The following NLK variants were observed in gnomAD, a reference collection of about 807,000 sequenced individuals.
The protein encoded by NLK is serine/threonine-protein kinase NLK.
Under a neutral mutation model 59.0 loss-of-function variants are expected in NLK, and 11 were observed. That is an observed-to-expected ratio of 0.19 (90% CI 0.12 to 0.31). NLK has a LOEUF of 0.31. NLK is among the 10% of genes least tolerant of loss of function. NLK has a pLI of 1.00. For synonymous variants in NLK, 235 were observed against 235.9 expected (o/e 1.00, Z 0.03); for missense variants, 410 against 661.1 (o/e 0.62, Z 4.16).
At chr17:28,205,532 A>G in the NLK span, among the ~76,000 whole-genome samples, 1 of 152,264 alleles carries the variant, frequency 6.6e-6, no homozygotes, top group East Asian at 1.9e-4. Flanking sequence ...AGGAAAAGCC[A>G]GTAAAAAATC....
intron 1 of NLK, among the ~76,000 whole-genome samples, chr17:28,107,366 C>T (rs1306256797): frequency 1.3e-5 from 2 of 151,334 alleles, no homozygotes; most frequent in African/African-American, 2.4e-5. Context: ...ATCTGGGAGG[C>T]GGAGGTTGCA....
At chr17:28,066,039 T>C (rs779991212) in intron 1 of NLK, among the ~76,000 whole-genome samples, 1 of 152,236 alleles carries the variant, frequency 6.6e-6, no homozygotes, top group African/African-American at 2.4e-5. Flanking sequence ...GACGAAGTTA[T>C]GTCAACGTAG....
downstream of NLK, among the ~76,000 whole-genome samples, chr17:28,198,827 C>G (rs1273351510): frequency 6.6e-6 from 1 of 152,214 alleles, no homozygotes; most frequent in Non-Finnish European, 1.5e-5. Flanking sequence ...GACCTCACCT[C>G]TTGCATCTCA....
At chr17:28,159,578 CTG>C (rs898810131) in intron 3 of NLK, among the ~76,000 whole-genome samples, 1 of 152,130 alleles carries the variant, frequency 6.6e-6, no homozygotes, top group African/African-American at 2.4e-5. Flanking sequence ...TCACTGAAAA[CTG>C]TCCTGTAAGT....
chr17:28,099,221 G>A (rs1904813390), intron 1 of NLK, among the ~76,000 whole-genome samples: 1 of 151,946 alleles, frequency 6.6e-6, no homozygotes, highest in South Asian at 2.1e-4. Flanking sequence ...TTAGTGCAGT[G>A]GAGTACTATT....
At chr17:28,203,182 C>T in the NLK span, among the ~76,000 whole-genome samples, 2 of 151,756 alleles carry the variant, frequency 1.3e-5, no homozygotes, top group African/African-American at 4.9e-5. Context: ...CACACACACA[C>T]ACACACACAC....
At chr17:28,087,333 A>G (rs532768010) in intron 1 of NLK, among the ~76,000 whole-genome samples, 1 of 152,306 alleles carries the variant, frequency 6.6e-6, no homozygotes, top group South Asian at 2.1e-4. Flanking sequence ...AGTTAGAGCT[A>G]TGTGTAGGTA....
chr17:28,061,941 T>A lies in NLK; in HGVS notation c.458+18610T>A, dbSNP rs1219122599. The A allele has an allele frequency of 3.4e-5, 5 of 146,118 alleles. No homozygotes were observed. In the East Asian group the frequency reaches 5.8e-4, roughly 17 times the overall value. 9.1% of individuals were successfully genotyped at this position (146,118 alleles called of 1,614,324 possible). A position where few individuals can be genotyped will look rare whatever the true frequency, so the allele number is the denominator to read the frequency against. On this transcript the variant is annotated intron_variant, in intron 1 of 10. Coordinates refer to ENST00000407008, the MANE Select transcript of NLK (RefSeq NM_016231.5). The stretch of plus-strand genomic sequence containing the variant: ...TATATACATATATATATATATTTTT[T>A]TTTTTTTTAAGAAAACAGTGCCATC...
At chr17:28,200,495 T>G (rs1909602722), downstream of NLK, among the ~76,000 whole-genome samples, 1 of 152,216 alleles carries the variant, frequency 6.6e-6, no homozygotes, top group Non-Finnish European at 1.5e-5. Flanking sequence ...TATTAATTTT[T>G]TGTTTTGAGA....
At chr17:28,118,736 A>G (rs1440784018) in intron 1 of NLK, among the ~76,000 whole-genome samples, 5 of 152,186 alleles carry the variant, frequency 3.3e-5, no homozygotes. Context: ...GGACTTGTGG[A>G]TTCTTCTGGC....
chr17:28,174,299 A>T (rs1301461197), intron 7 of NLK, among the ~76,000 whole-genome samples: 1 of 152,226 alleles, frequency 6.6e-6, no homozygotes, highest in Non-Finnish European at 1.5e-5. Flanking sequence ...ATAGGTTGAG[A>T]TGTCTAAACA....
chr17:28,161,178 G>A lies in NLK; in HGVS notation c.663G>A (p.Leu221=), dbSNP rs1202501336. The change falls in exon 4 of 11, where the codon TTG becomes TTA. Residue 221 remains leucine (L), a synonymous_variant. Transcript: ENST00000407008. ...CTTCAAGATATGTTGTCACAGAATT[G>A]ATGCAGAGTGACCTACATAAAATTA... The part of the protein sequence containing the change: ...YFEEIYVVTE[L]MQSDLHKIIV... 1 of 1,602,052 alleles carries A rather than the reference G, an allele frequency of 6.2e-7. No homozygotes were observed. The highest frequency in any genetic ancestry group is 1.1e-5 in the South Asian group (1 of 90,816).
chr17:28,063,175 G>C (rs34446342), intron 1 of NLK, among the ~76,000 whole-genome samples: 3 of 152,038 alleles, frequency 2.0e-5, no homozygotes, highest in Non-Finnish European at 4.4e-5. Flanking sequence ...CAAGCTCTCC[G>C]CCCACTTTGG....
intron 1 of NLK, among the ~76,000 whole-genome samples, chr17:28,064,333 G>A (rs931557961): frequency 6.6e-6 from 1 of 151,784 alleles, no homozygotes; most frequent in Middle Eastern, 3.2e-3. Flanking sequence ...ATTTTGTGTA[G>A]AGACGAGATC....
chr17:28,142,641 C>A (rs940684535), intron 3 of NLK, among the ~76,000 whole-genome samples: 1 of 152,148 alleles, frequency 6.6e-6, no homozygotes, highest in Non-Finnish European at 1.5e-5. Flanking sequence ...CTATTCAATG[C>A]CCTCACTTTT....
chr17:28,200,544 C>T (rs930609294), downstream of NLK, among the ~76,000 whole-genome samples: 4 of 152,148 alleles, frequency 2.6e-5, no homozygotes, highest in Non-Finnish European at 4.4e-5. Context: ...AGTGTAGTGG[C>T]GCGATCTCAG....
At chr17:28,182,766 A>G (rs1353852381) in intron 7 of NLK, among the ~76,000 whole-genome samples, 1 of 152,046 alleles carries the variant, frequency 6.6e-6, no homozygotes, top group Non-Finnish European at 1.5e-5. Flanking sequence ...ACAAAATGTA[A>G]ATGCCCTGAC....
chr17:28,169,391 A>G (rs1251128819), intron 6 of NLK, among the ~76,000 whole-genome samples: 1 of 152,244 alleles, frequency 6.6e-6, no homozygotes, highest in Non-Finnish European at 1.5e-5. Flanking sequence ...CTGAACATTT[A>G]GGAAAATTTC....
At chr17:28,140,774 A>T (rs1352589576) in intron 3 of NLK, among the ~76,000 whole-genome samples, 1 of 151,254 alleles carries the variant, frequency 6.6e-6, no homozygotes, top group Non-Finnish European at 1.5e-5. Context: ...CCTGCCCTGG[A>T]CTCCTTCTCT....
Sources: gnomAD v4.1 joint callset for allele counts (sites outside exome capture counted in the v4.1 genomes callset) on GRCh38, gnomAD v4.1.1 for gene constraint, MANE v1.5 for transcripts, NCBI Gene and HGNC (gene_info 2026-07-23, HGNC 2026-07-21) for gene names.